RUNX1T1: variants seen among roughly 807,000 people sequenced by gnomAD.
RUNX1T1 encodes the protein RUNX1 partner transcriptional co-repressor 1, also known as protein CBFA2T1.
In RUNX1T1, 4 loss-of-function variants were observed where a neutral mutation model predicts 62.8. The observed-to-expected ratio is 0.06, with a 90% confidence interval of 0.03 to 0.15. The LOEUF (loss-of-function observed/expected upper bound fraction) is 0.15. Among genes scored for constraint, RUNX1T1 ranks in the 10% least tolerant of loss-of-function variants. The pLI is 1.00. For synonymous variants in RUNX1T1, 291 were observed against 286.0 expected (o/e 1.02, Z -0.18); for missense variants, 508 against 754.3 (o/e 0.67, Z 3.82).
chr8:92,007,178 TG>T (rs1486003543), intron 4 of RUNX1T1, among the ~76,000 whole-genome samples: 1 of 152,180 alleles, frequency 6.6e-6, no homozygotes, highest in Non-Finnish European at 1.5e-5. Flanking sequence ...AAATTCATCC[TG>T]GGCTGGGTGT....
At chr8:92,057,429 T>G (rs886808028) in intron 1 of RUNX1T1, among the ~76,000 whole-genome samples, 2 of 152,214 alleles carry the variant, frequency 1.3e-5, no homozygotes, top group Non-Finnish European at 1.5e-5. Flanking sequence ...AGGCTTCAAA[T>G]AGATCACATG....
At chr8:91,970,683 A>G (rs141041466) in exon 10 of RUNX1T1, 1 of 1,609,464 alleles carries the variant, frequency 6.2e-7, no homozygotes, top group Non-Finnish European at 8.5e-7. Flanking sequence ...CTGCTGATTG[A>G]TAACTGCCAG....
chr8:92,102,523 G>C (rs1838087275), upstream of RUNX1T1, among the ~76,000 whole-genome samples: 1 of 152,122 alleles, frequency 6.6e-6, no homozygotes, highest in Non-Finnish European at 1.5e-5. The surrounding 1 kb of genome is among the most constrained non-coding windows in gnomAD (Gnocchi z 4.5). Context: ...GTTTTGTCGG[G>C]GGAGAAACCC....
chr8:91,976,997 T>C (rs977661173), intron 8 of RUNX1T1, among the ~76,000 whole-genome samples: 2 of 152,216 alleles, frequency 1.3e-5, no homozygotes, highest in Admixed American at 6.5e-5. Context: ...CTTTATCTAA[T>C]GGTTATGTTG....
chr8:92,089,908 A>G (rs376339577), intron 1 of RUNX1T1, among the ~76,000 whole-genome samples: 1 of 78,164 alleles, frequency 1.3e-5, no homozygotes, highest in South Asian at 4.4e-4. Context: ...AGTGTCACCC[A>G]CCCCAATCCC....
chr8:91,960,158 A>C (rs978983021), exon 11 of RUNX1T1: 15 of 1,430,910 alleles, frequency 1.0e-5, no homozygotes, highest in Non-Finnish European at 1.3e-5. Context: ...AACAAACAAA[A>C]AAAACAACTT....
chr8:91,991,439 T>C (rs952860148), intron 6 of RUNX1T1, among the ~76,000 whole-genome samples, 200 bp downstream of exon 7: 1 of 152,144 alleles, frequency 6.6e-6, no homozygotes, highest in Non-Finnish European at 1.5e-5. Flanking sequence ...AGAATACAAG[T>C]GATTAGGAGA....
intron 1 of RUNX1T1, chr8:92,095,098 C>G (rs1159589071): frequency 6.5e-7 from 1 of 1,535,670 alleles, no homozygotes; most frequent in Non-Finnish European, 8.7e-7. Context: ...ATGCCTCCTC[C>G]TCACCCCACA....
intron 1 of RUNX1T1, among the ~76,000 whole-genome samples, chr8:92,050,950 GTCACTAAA>G (rs933096374): frequency 6.6e-6 from 1 of 152,040 alleles, no homozygotes; most frequent in Non-Finnish European, 1.5e-5. Flanking sequence ...CTATTCCTCT[GTCACTAAA>G]TCTTCCCATC....
intron 1 of RUNX1T1, among the ~76,000 whole-genome samples, chr8:92,030,619 T>C (rs1339351366): frequency 1.3e-5 from 2 of 152,230 alleles, no homozygotes; most frequent in Non-Finnish European, 2.9e-5. Flanking sequence ...CTGTTCCACC[T>C]AAACCACCCC....
intron 1 of RUNX1T1, among the ~76,000 whole-genome samples, chr8:92,038,430 T>C (rs1376409989): frequency 1.3e-5 from 2 of 152,158 alleles, no homozygotes; most frequent in African/African-American, 4.8e-5. Context: ...GGAGATGTCA[T>C]TAAAAAACAG....
At chr8:92,081,040 C>T (rs181874836) in intron 1 of RUNX1T1, among the ~76,000 whole-genome samples, 13 of 152,308 alleles carry the variant, frequency 8.5e-5, no homozygotes, top group Middle Eastern at 3.4e-3. Flanking sequence ...CCTACACACG[C>T]GGGCCATTTA....
At chr8:92,016,630 G>A (rs569896883) in intron 2 of RUNX1T1, among the ~76,000 whole-genome samples, 3 of 152,172 alleles carry the variant, frequency 2.0e-5, no homozygotes, top group African/African-American at 7.2e-5. Context: ...AGCTGAGATC[G>A]TGCCACTGCA....
At chr8:92,054,873 C>T (rs927421193) in intron 1 of RUNX1T1, among the ~76,000 whole-genome samples, 41 of 151,992 alleles carry the variant, frequency 2.7e-4, no homozygotes, top group African/African-American at 9.7e-4. Context: ...GGCGTGGTGG[C>T]GCTTACCTTT....
At chr8:92,071,801 G>C (rs543352966) in intron 2 of RUNX1T1, among the ~76,000 whole-genome samples, 1 of 152,124 alleles carries the variant, frequency 6.6e-6, no homozygotes, top group African/African-American at 2.4e-5. Context: ...GCCTGACCCC[G>C]AAGCTGCGGC....
At chr8:91,970,037 TG>T (rs1169837049) in intron 10 of RUNX1T1, among the ~76,000 whole-genome samples, 4 of 54,568 alleles carry the variant, frequency 7.3e-5, no homozygotes, top group African/African-American at 2.7e-4. Flanking sequence ...TGTGTGTGTG[TG>T]TGTGTTGTGT....
At chr8:92,062,683 C>G in exon 1 of RUNX1T1, 2 of 1,610,422 alleles carry the variant, frequency 1.2e-6, no homozygotes, top group Non-Finnish European at 1.7e-6. Context: ...GCGGCATCGC[C>G]GGAGGCAGGG....
chr8:91,962,446 T>C (rs1354852206), intron 10 of RUNX1T1, among the ~76,000 whole-genome samples: 1 of 152,234 alleles, frequency 6.6e-6, no homozygotes, highest in East Asian at 1.9e-4. Context: ...TGAATAGTAG[T>C]AGAACAAAAC....
At chr8:92,051,622 TCA>T (rs1331298450) in intron 1 of RUNX1T1, among the ~76,000 whole-genome samples, 13 of 149,060 alleles carry the variant, frequency 8.7e-5, no homozygotes, top group Non-Finnish European at 1.5e-4. Context: ...TCTCTCTCTC[TCA>T]CTCTCTCTCT....
Sources: allele counts gnomAD v4.1 joint callset (sites outside exome capture counted in the v4.1 genomes callset), GRCh38; gene constraint gnomAD v4.1.1; non-coding constraint Gnocchi (gnomAD v3.1); transcripts MANE v1.5; gene names NCBI Gene and HGNC (gene_info 2026-07-23, HGNC 2026-07-21).